PACSIN2: variants seen among roughly 807,000 people sequenced by gnomAD.
PACSIN2 encodes the protein protein kinase C and casein kinase substrate in neurons 2.
PACSIN2 carries 25 observed loss-of-function variants against 63.8 expected under a neutral mutation model. The ratio of observed to expected loss-of-function variants is 0.39; its 90% CI spans 0.29 to 0.55. The LOEUF (loss-of-function observed/expected upper bound fraction) is 0.55, where lower values mean the gene tolerates loss of function less well. PACSIN2 is among the 20% of genes least tolerant of loss of function. The pLI is 0.62. For missense variants in PACSIN2, 518 were observed against 646.9 expected (o/e 0.80, Z 2.16); for synonymous variants, 255 against 256.2 (o/e 1.00, Z 0.05).
intron 1 of PACSIN2, among the ~76,000 whole-genome samples, chr22:42,936,549 T>C (rs1473535250): frequency 6.6e-6 from 1 of 152,190 alleles, no homozygotes; most frequent in Non-Finnish European, 1.5e-5. Context: ...AGTGAAAATA[T>C]GTAGTATGCA....
chr22:43,007,320 A>AT (rs2146926838), intron 1 of PACSIN2, among the ~76,000 whole-genome samples: 1 of 151,134 alleles, frequency 6.6e-6, no homozygotes, highest in East Asian at 1.9e-4. Context: ...GGTTCAAGCG[A>AT]TTCTCCTGCC....
chr22:42,890,931 T>C lies in PACSIN2; in HGVS notation c.453+16A>G. On this transcript the variant is annotated intron_variant, in intron 4 of 10. Coordinates refer to ENST00000263246, the MANE Select transcript of PACSIN2 (RefSeq NM_001184970.3). ...CAGAGCAAGGCCGGGCAGGGAAGCC[T>C]GCAGGACAGATGTACCTCTTTCAGC... 10 of 1,608,336 alleles carry C rather than the reference T, an allele frequency of 6.2e-6. No individual in the cohort carries two copies. Among genetic ancestry groups the C allele is most frequent in the Non-Finnish European group, 8.5e-6 (10 of 1,175,036 alleles).
chr22:42,898,716 T>C (rs1436618938), intron 2 of PACSIN2, among the ~76,000 whole-genome samples: 1 of 152,054 alleles, frequency 6.6e-6, no homozygotes, highest in Non-Finnish European at 1.5e-5. Flanking sequence ...GGACTCGCCC[T>C]GCCGCCTGCC....
chr22:42,967,854 C>T (rs1920985880), intron 1 of PACSIN2, among the ~76,000 whole-genome samples: 1 of 152,208 alleles, frequency 6.6e-6, no homozygotes, highest in South Asian at 2.1e-4. Flanking sequence ...CGCCACTGCA[C>T]TCCAGCCTGG....
At chr22:42,899,099 A>G (rs1930492676) in intron 2 of PACSIN2, among the ~76,000 whole-genome samples, 1 of 152,142 alleles carries the variant, frequency 6.6e-6, no homozygotes, top group Admixed American at 6.6e-5. Context: ...TAATACCTTC[A>G]GACTCTGGGC....
At chr22:43,014,370 C>A (rs1244752887) in intron 1 of PACSIN2, among the ~76,000 whole-genome samples, 10 of 17,560 alleles carry the variant, frequency 5.7e-4, no homozygotes, top group East Asian at 5.6e-3. Flanking sequence ...ACACACCACC[C>A]CCCCCCCCCC....
chr22:42,968,209 G>A (rs1416447464), intron 1 of PACSIN2, among the ~76,000 whole-genome samples: 1 of 152,144 alleles, frequency 6.6e-6, no homozygotes, highest in Non-Finnish European at 1.5e-5. Flanking sequence ...TGATTGCAAC[G>A]GCTCCTCCCA....
chr22:42,976,368 C>T (rs546918900), intron 1 of PACSIN2, among the ~76,000 whole-genome samples: 2 of 152,348 alleles, frequency 1.3e-5, no homozygotes, highest in South Asian at 4.1e-4. Flanking sequence ...GGCCTTAATG[C>T]ACACTTGCTC....
At chr22:42,977,431 A>G (rs967455452) in intron 1 of PACSIN2, among the ~76,000 whole-genome samples, 4 of 152,250 alleles carry the variant, frequency 2.6e-5, no homozygotes, top group African/African-American at 9.6e-5. Context: ...GCTCAACCTC[A>G]CCAGTACTCA....
At chr22:42,895,322 A>T (rs868074812) in intron 2 of PACSIN2, among the ~76,000 whole-genome samples, 1 of 152,190 alleles carries the variant, frequency 6.6e-6, no homozygotes, top group Non-Finnish European at 1.5e-5. Context: ...ATACCCAACA[A>T]GCAACTCAGT....
intron 1 of PACSIN2, among the ~76,000 whole-genome samples, chr22:42,978,394 C>T (rs746685632): frequency 7.2e-5 from 11 of 152,196 alleles, no homozygotes; most frequent in Non-Finnish European, 1.0e-4. Flanking sequence ...TAACCTATAA[C>T]GCTGAGAAAT....
intron 1 of PACSIN2, among the ~76,000 whole-genome samples, chr22:42,969,555 G>A (rs1435520985): frequency 6.6e-6 from 1 of 152,086 alleles, no homozygotes; most frequent in African/African-American, 2.4e-5. Flanking sequence ...GATGACCATT[G>A]TAACACCGGC....
chr22:42,979,989 A>C (rs1569346410), intron 1 of PACSIN2, among the ~76,000 whole-genome samples: 3 of 152,224 alleles, frequency 2.0e-5, no homozygotes. Flanking sequence ...ATACATGCTT[A>C]ACTATATAAA....
intron 1 of PACSIN2, among the ~76,000 whole-genome samples, chr22:42,989,484 G>A (rs1168857009): frequency 7.6e-6 from 1 of 130,894 alleles, no homozygotes; most frequent in African/African-American, 3.0e-5. Context: ...GGCAATAAGA[G>A]TGAAACTCCA....
chr22:42,911,918 G>T (rs1242288132), intron 2 of PACSIN2, 103 bp downstream of exon 2: 2 of 775,652 alleles, frequency 2.6e-6, no homozygotes, highest in Admixed American at 5.0e-5. Context: ...TGGTTTGGGG[G>T]TATGTTCACC....
At chr22:42,995,852 C>T (rs1364956303) in intron 1 of PACSIN2, among the ~76,000 whole-genome samples, 2 of 152,150 alleles carry the variant, frequency 1.3e-5, no homozygotes, top group Non-Finnish European at 2.9e-5. Context: ...TCACTTGAAG[C>T]CAGGAGTTCA....
chr22:42,941,192 T>C (rs1410901779), intron 1 of PACSIN2, among the ~76,000 whole-genome samples: 9 of 148,652 alleles, frequency 6.1e-5, no homozygotes, highest in African/African-American at 2.3e-4. Flanking sequence ...GTCTTCAAGG[T>C]TCAAGGTTCG....
chr22:42,962,182 AC>A (rs1465534691), intron 1 of PACSIN2, among the ~76,000 whole-genome samples: 2 of 92,958 alleles, frequency 2.2e-5, no homozygotes, highest in Non-Finnish European at 4.2e-5. Context: ...ATACCAGAAA[AC>A]TTTTTTTTTT....
intron 1 of PACSIN2, among the ~76,000 whole-genome samples, chr22:42,934,410 T>C (rs1219456899): frequency 6.6e-6 from 1 of 152,200 alleles, no homozygotes; most frequent in African/African-American, 2.4e-5. Flanking sequence ...CTCCCCCTCC[T>C]TTGGGCCCTG....
Sources: allele counts gnomAD v4.1 joint callset (sites outside exome capture counted in the v4.1 genomes callset), GRCh38; gene constraint gnomAD v4.1.1; transcripts MANE v1.5; gene names NCBI Gene and HGNC (gene_info 2026-07-23, HGNC 2026-07-21).